Variants in PRDM8 observed in about 807,000 individuals in gnomAD.
PRDM8 encodes the protein PR/SET domain 8.
PRDM8 carries 13 observed loss-of-function variants against 46.5 expected under a neutral mutation model. That is an observed-to-expected ratio of 0.28 (90% confidence interval 0.18 to 0.44). The LOEUF (loss-of-function observed/expected upper bound fraction) is 0.44, where lower values mean the gene tolerates loss of function less well. PRDM8 is among the 20% of genes least tolerant of loss of function. The pLI is 1.00. For synonymous variants in PRDM8, 473 were observed against 438.4 expected (o/e 1.08, Z -0.98); for missense variants, 998 against 955.0 (o/e 1.04, Z -0.59).
At position 80,202,924 on chromosome 4, in the gene PRDM8, G is replaced by C; in HGVS notation, c.1462G>C (p.Gly488Arg). ...CGCCGGGGCCGCAGGCGGCGCGGGC[G>C]GGGGCCAGGGCGCCGCGTCGGACGA... ...TGAGAAGGAG[G>R]GQGAASDERK... The change falls in exon 4 of 4, where the codon GGG becomes CGG. Residue 488 changes from glycine to arginine, a missense_variant. Coordinates refer to ENST00000415738, the MANE Select transcript of PRDM8 (RefSeq NM_001099403.2). The C allele has an allele frequency of 1.4e-6, 2 of 1,384,618 alleles. No individual in the cohort carries two copies. Among genetic ancestry groups the C allele is most frequent in the Non-Finnish European group, 1.9e-6 (2 of 1,078,036 alleles). 85.8% of individuals were successfully genotyped at this position (1,384,618 alleles called of 1,614,324 possible). A position where few individuals can be genotyped will look rare whatever the true frequency, so the allele number is the denominator to read the frequency against.
rs754166039 is a variant in PRDM8 at position 80,203,400 on chromosome 4, G to A, written c.1938G>A (p.Ser646=). Residue 646 remains serine (S), a synonymous_variant, in exon 4 of 4, where the codon TCG becomes TCA. Transcript: ENST00000415738. ...CCGACCTGGTGTACCATATGAGGTC[G>A]CACCACAAAAAGGAGTATGCGATGG... ...MTSDLVYHMR[S]HHKKEYAMEP... is the part of the protein sequence containing the mutation. The A allele has an allele frequency of 2.5e-6, 4 of 1,613,888 alleles. No homozygotes were observed. Among genetic ancestry groups the A allele is most frequent in the Non-Finnish European group, 3.4e-6 (4 of 1,179,952 alleles).
At chr4:80,190,507 A>G (rs1438548431) in intron 1 of PRDM8, among the ~76,000 whole-genome samples, 1 of 151,832 alleles carries the variant, frequency 6.6e-6, no homozygotes, top group Non-Finnish European at 1.5e-5. Context: ...AGGGCTCTGC[A>G]CTCTTTGGTG....
At position 80,197,535 on chromosome 4, in the gene PRDM8, C is replaced by G. The variant is rs1034833661; in HGVS notation, c.-231C>G. On this transcript the variant is annotated 5_prime_UTR_variant, in exon 1 of 4. Coordinates refer to ENST00000415738, the MANE Select transcript of PRDM8 (RefSeq NM_001099403.2). ...GCATCGGGTCCATCTGTACAACTCT[C>G]TCCGTTTCTCCGTCTCTCTCCCTCC... 5.8e-5 allele frequency: 57 copies of G among 985,766 alleles called. No individual in the cohort carries two copies. The highest frequency in any genetic ancestry group is 6.4e-5 in the Non-Finnish European group (53 of 829,944). 61.1% of individuals were successfully genotyped at this position (985,766 alleles called of 1,614,324 possible). A position where few individuals can be genotyped will look rare whatever the true frequency, so the allele number is the denominator to read the frequency against.
rs1185570106 is a variant in PRDM8 at position 80,202,745 on chromosome 4, C to T, written c.1283C>T (p.Ala428Val). Residue 428 changes from alanine to valine, a missense_variant, in exon 4 of 4, where the codon GCG (alanine) becomes GTG (valine). Ala to Val is a moderately conservative substitution (Grantham distance 64). Transcript: ENST00000415738. ...GGCGGCTCCTCCACGCCCGCGGCCGCGTCACCGGTGGGCGCCGAGAAGCTG... is the reference window on the plus strand; with the variant it reads ...GGCGGCTCCTCCACGCCCGCGGCCGTGTCACCGGTGGGCGCCGAGAAGCTG... ...GGGGSSTPAA[A>V]SPVGAEKLLA... The T allele has an allele frequency of 3.1e-6, 4 of 1,287,140 alleles. No individual in the cohort carries two copies. The highest frequency in any genetic ancestry group is 3.9e-6 in the Non-Finnish European group (4 of 1,022,524). The allele number at this position is 1,287,140 out of a possible 1,614,324, so 79.7% of individuals were successfully genotyped here. A position where few individuals can be genotyped will look rare whatever the true frequency, so the allele number is the denominator to read the frequency against.
intron 1 of PRDM8, chr4:80,185,617 C>T (rs1737016177): frequency 6.6e-6 from 1 of 152,254 alleles, no homozygotes; most frequent in African/African-American, 2.4e-5. Context: ...TCGGTCTCTT[C>T]CGAAGGCTTA....
In PRDM8 at chr4:80,203,226, CGCTGCAGCCGCG is replaced by C. The variant is rs1044242742; in HGVS notation, c.1770_1781del (p.Ala595_Ala598del). On this transcript the variant is annotated inframe_deletion, in exon 4 of 4. Transcript: ENST00000415738. ...CCTTCTGGCCCAAGAGCTCCGCTGC[CGCTGCAGCCGCG>C]GCTGCGGCGGCGGCCGCGGGGCCCT... is the stretch of plus-strand genomic sequence containing the variant. 1.3e-6 allele frequency: 2 copies of C among 1,554,066 alleles called. No individual in the cohort carries two copies. Among genetic ancestry groups the C allele is most frequent in the Non-Finnish European group, 1.7e-6 (2 of 1,151,344 alleles).
Position 80,200,090 on chromosome 4 carries a change from A to G in PRDM8, c.10A>G (p.Thr4Ala), listed in dbSNP as rs190431626. The stretch of plus-strand genomic sequence containing the variant: ...GTGTCTATCTCCAGTGATGGAGGAT[A>G]CTGGCATCCAGCGAGGCATCTGGGA... The part of the protein sequence containing the change: MED[T>A]GIQRGIWDGD... Residue 4 changes from threonine (T) to alanine (A), a missense_variant, in exon 2 of 4, where the codon ACT becomes GCT. Physicochemically the swap from Thr to Ala is moderately conservative, Grantham distance 58 (BLOSUM62 0). Coordinates refer to ENST00000415738, the MANE Select transcript of PRDM8 (RefSeq NM_001099403.2). 1.6e-5 allele frequency: 26 copies of G among 1,613,086 alleles called. No individual in the cohort carries two copies. In the East Asian group the frequency reaches 5.8e-4, roughly 36 times the overall value.
intron 1 of PRDM8, among the ~76,000 whole-genome samples, chr4:80,191,145 A>G (rs1443255751): frequency 6.6e-6 from 1 of 152,248 alleles, no homozygotes; most frequent in Non-Finnish European, 1.5e-5. Context: ...CTTAATGGAC[A>G]AGCATCCAAG....
chr4:80,195,533 TAGAG>T (rs369579509), upstream of PRDM8, among the ~76,000 whole-genome samples: 1 of 150,558 alleles, frequency 6.6e-6, no homozygotes, highest in Non-Finnish European at 1.5e-5. Flanking sequence ...TGTGTGTGTG[TAGAG>T]AGAGAGAGAG....
intron 1 of PRDM8, among the ~76,000 whole-genome samples, chr4:80,199,705 A>ATGTG (rs1321510964): frequency 3.0e-4 from 21 of 70,042 alleles, no homozygotes; most frequent in African/African-American, 2.0e-3. Flanking sequence ...GTATATATAT[A>ATGTG]TATATGTGTG....
upstream of PRDM8, among the ~76,000 whole-genome samples, chr4:80,195,487 G>C (rs1028927425): frequency 2.7e-5 from 4 of 149,614 alleles, no homozygotes; most frequent in Non-Finnish European, 4.4e-5. Flanking sequence ...AGGGGACCAT[G>C]TGTCCATACT....
Position 80,203,594 on chromosome 4 carries a change from AAC to A in PRDM8, c.*65_*66del. ...CACAGTTAAGCCACCTGCAGGAATA[AAC>A]ACGCGAGAACATCCACCGCTTCCTT... On this transcript the variant is annotated 3_prime_UTR_variant, in exon 4 of 4. Transcript: ENST00000415738. 6.6e-7 allele frequency: 1 copy of A among 1,504,026 alleles called. No homozygotes were observed. Among genetic ancestry groups the A allele is most frequent in the South Asian group, 1.3e-5 (1 of 76,200 alleles). The allele number at this position is 1,504,026 out of a possible 1,614,324, so 93.2% of individuals were successfully genotyped here. A position where few individuals can be genotyped will look rare whatever the true frequency, so the allele number is the denominator to read the frequency against.
Position 80,197,681 on chromosome 4 carries a change from AATAGGC to A in PRDM8, c.-83_-78del. On this transcript the variant is annotated 5_prime_UTR_variant, in exon 1 of 4. Transcript: ENST00000415738. ...TCTTGACATGGAAATACACTGATACAATAGGCAAAAGGAAACACTCGATTGCATCTT... is the reference window on the plus strand; with the variant it reads ...TCTTGACATGGAAATACACTGATACAAAAAGGAAACACTCGATTGCATCTT... The A allele has an allele frequency of 1.0e-6, 1 of 983,804 alleles. No individual in the cohort carries two copies. Among genetic ancestry groups the A allele is most frequent in the Non-Finnish European group, 1.2e-6 (1 of 828,136 alleles). The allele number at this position is 983,804 out of a possible 1,614,324, so 60.9% of individuals were successfully genotyped here. A position where few individuals can be genotyped will look rare whatever the true frequency, so the allele number is the denominator to read the frequency against.
At chr4:80,198,450 G>A (rs1045869463) in intron 1 of PRDM8, among the ~76,000 whole-genome samples, 1 of 152,148 alleles carries the variant, frequency 6.6e-6, no homozygotes, top group East Asian at 1.9e-4. Context: ...GGAGATAAGA[G>A]GTTATGGGGT....
Position 80,203,724 on chromosome 4 carries a change from T to G in PRDM8, c.*192T>G. 8.6e-5 allele frequency: 54 copies of G among 630,774 alleles called. No individual in the cohort carries two copies. Among genetic ancestry groups the G allele is most frequent in the East Asian group, 1.8e-4 (5 of 27,902 alleles). The allele number at this position is 630,774 out of a possible 1,614,324, so 39.1% of individuals were successfully genotyped here. A position where few individuals can be genotyped will look rare whatever the true frequency, so the allele number is the denominator to read the frequency against. ...CTCCCAGGAACCTCATTCAAATATT[T>G]ACCCGGGACACACACCCCCCCCCAC... On this transcript the variant is annotated 3_prime_UTR_variant, in exon 4 of 4. Coordinates refer to ENST00000415738, the MANE Select transcript of PRDM8 (RefSeq NM_001099403.2).
chr4:80,194,216 A>G, upstream of PRDM8: 2 of 982,726 alleles, frequency 2.0e-6, no homozygotes, highest in Non-Finnish European at 2.4e-6. Context: ...AGGACTCCAA[A>G]GAGCCTTGCT....
chr4:80,192,611 G>T (rs1183758257), upstream of PRDM8, among the ~76,000 whole-genome samples: 1 of 152,178 alleles, frequency 6.6e-6, no homozygotes, highest in South Asian at 2.1e-4. Flanking sequence ...CGTTCAAAGG[G>T]TGTGGTGTCT....
At position 80,203,517 on chromosome 4, in the gene PRDM8, G is replaced by A; in HGVS notation, c.2055G>A (p.Met685Ile). The change falls in exon 4 of 4, where the codon ATG becomes ATA. Residue 685 changes from methionine (M) to isoleucine (I), a missense_variant. Met to Ile is a conservative substitution (Grantham distance 10). Coordinates refer to ENST00000415738, the MANE Select transcript of PRDM8 (RefSeq NM_001099403.2). ...FRERHHLSRHMTSHN is the reference protein window; with the variant it reads ...FRERHHLSRHITSHN ...AGCGCCACCACCTCTCCAGGCACAT[G>A]ACCTCGCATAATTGACTCGGAAAGG... 6.2e-7 allele frequency: 1 copy of A among 1,610,662 alleles called. No homozygotes were observed. Among genetic ancestry groups the A allele is most frequent in the Non-Finnish European group, 8.5e-7 (1 of 1,178,154 alleles).
chr4:80,201,314 T>C lies in PRDM8; in HGVS notation c.244T>C (p.Ser82Pro). The part of the protein sequence containing the change: ...FRVDTSAANG[S>P]SEGLMWLRLV... Reference sequence around the variant, plus strand: ...GGTAGACACCTCAGCAGCAAATGGTTCCTCAGAAGGTCTCATGTGGCTGCG... The same window carrying C: ...GGTAGACACCTCAGCAGCAAATGGTCCCTCAGAAGGTCTCATGTGGCTGCG... The change falls in exon 3 of 4, where the codon TCC becomes CCC. Residue 82 changes from serine (S) to proline (P), a missense_variant. Transcript: ENST00000415738. 6.2e-7 allele frequency: 1 copy of C among 1,614,242 alleles called. No homozygotes were observed. Among genetic ancestry groups the C allele is most frequent in the Non-Finnish European group, 8.5e-7 (1 of 1,180,044 alleles).
Sources: allele counts gnomAD v4.1 joint callset (sites outside exome capture counted in the v4.1 genomes callset), GRCh38; gene constraint gnomAD v4.1.1; transcripts MANE v1.5; gene names NCBI Gene and HGNC (gene_info 2026-07-23, HGNC 2026-07-21).